The following LRRC4C variants were observed in gnomAD, a reference collection of about 807,000 sequenced individuals.
The protein encoded by LRRC4C is leucine rich repeat containing 4C, also known as leucine-rich repeat-containing protein 4C.
A neutral mutation model predicts 33.6 loss-of-function variants in LRRC4C; 5 were observed. That is an observed-to-expected ratio of 0.15 (90% CI 0.08 to 0.31). LRRC4C has a LOEUF of 0.31. LRRC4C is among the 10% of genes least tolerant of loss of function. The pLI is 1.00. For synonymous variants in LRRC4C, 329 were observed against 302.0 expected, an observed-to-expected ratio of 1.09 and a Z score of -0.93; for missense variants, 560 against 796.7, an observed-to-expected ratio of 0.70 and a Z score of 3.58.
At chr11:40,515,250 G>C (rs1955516087) in intron 3 of LRRC4C, among the ~76,000 whole-genome samples, 1 of 151,886 alleles carries the variant, frequency 6.6e-6, no homozygotes, top group Non-Finnish European at 1.5e-5. Context: ...GAGAAACTTA[G>C]CAATACTAAG....
At chr11:41,051,475 A>G (rs1399029497) in intron 1 of LRRC4C, among the ~76,000 whole-genome samples, 2 of 147,662 alleles carry the variant, frequency 1.4e-5, no homozygotes, top group Non-Finnish European at 3.0e-5. Context: ...AATTTATCTT[A>G]TTAAAAGACA....
intron 1 of LRRC4C, among the ~76,000 whole-genome samples, chr11:41,163,298 T>TTTTTTTTTTTTC (rs1456325870): frequency 1.5e-5 from 2 of 133,030 alleles, no homozygotes; most frequent in Non-Finnish European, 3.2e-5. Flanking sequence ...TTTTTTTTTT[T>TTTTTTTTTTTTC]TTTCAAACAG....
At chr11:41,149,333 C>A (rs1019608882) in intron 1 of LRRC4C, among the ~76,000 whole-genome samples, 5 of 151,736 alleles carry the variant, frequency 3.3e-5, no homozygotes, top group Non-Finnish European at 7.4e-5. Flanking sequence ...CGGTGAAACC[C>A]CGTCTCTACT....
intron 3 of LRRC4C, among the ~76,000 whole-genome samples, chr11:40,469,486 AT>A (rs1002011393): frequency 4.1e-4 from 62 of 152,040 alleles, no homozygotes; most frequent in African/African-American, 1.5e-3. Context: ...AGCTGCAGGA[AT>A]TTTTTGTCAT....
chr11:41,175,762 T>G (rs1454090676), intron 1 of LRRC4C, among the ~76,000 whole-genome samples: 1 of 152,032 alleles, frequency 6.6e-6, no homozygotes, highest in Non-Finnish European at 1.5e-5. Flanking sequence ...GTCCCAGAGC[T>G]CCCTCTGCAG....
intron 1 of LRRC4C, among the ~76,000 whole-genome samples, chr11:41,330,497 G>A (rs182454524): frequency 4.5e-4 from 68 of 152,120 alleles, no homozygotes; most frequent in Non-Finnish European, 6.8e-4. Context: ...ATTAGATGCC[G>A]TCAACATGTG....
chr11:40,655,691 C>A (rs1448717290), intron 2 of LRRC4C, among the ~76,000 whole-genome samples: 4 of 152,126 alleles, frequency 2.6e-5, no homozygotes, highest in African/African-American at 7.2e-5. Flanking sequence ...AGAATCATTT[C>A]TTATTATTCC....
At chr11:41,318,701 C>A (rs2137250897) in intron 1 of LRRC4C, among the ~76,000 whole-genome samples, 1 of 152,198 alleles carries the variant, frequency 6.6e-6, no homozygotes, top group Middle Eastern at 3.4e-3. Context: ...AAGCTCTTTC[C>A]TAGATATTTC....
At chr11:40,135,514 A>G (rs751811348) in intron 6 of LRRC4C, among the ~76,000 whole-genome samples, 1 of 152,216 alleles carries the variant, frequency 6.6e-6, no homozygotes, top group Non-Finnish European at 1.5e-5. Context: ...ATGGGAAAAA[A>G]TAGAGCTGTA....
chr11:40,875,646 C>T (rs1304287765), intron 2 of LRRC4C, among the ~76,000 whole-genome samples: 2 of 152,078 alleles, frequency 1.3e-5, no homozygotes, highest in African/African-American at 2.4e-5. Flanking sequence ...GATGTTCAAC[C>T]TGTAGCTGTG....
In LRRC4C at chr11:40,132,206, A is replaced by G. The variant is rs555439958; in HGVS notation, c.-43+8595T>C. ...AATTGACATTCTGCTCTATATATCA[A>G]TTTCTTACGTGTTTAGCAAGTACAT... On this transcript the variant is annotated intron_variant, in intron 6 of 6. Coordinates refer to ENST00000528697, the MANE Select transcript of LRRC4C (RefSeq NM_001258419.2). Among the ~76,000 whole-genome samples the G allele has an allele frequency of 3.3e-5, 5 of 152,258 alleles. No homozygotes were observed. The East Asian group carries it at 9.6e-4, about 29-fold the overall frequency.
chr11:40,365,039 T>C (rs1948145314), intron 3 of LRRC4C, among the ~76,000 whole-genome samples: 1 of 148,852 alleles, frequency 6.7e-6, no homozygotes, highest in Non-Finnish European at 1.5e-5. Flanking sequence ...ACTATCATAA[T>C]CACCACAAGA....
intron 2 of LRRC4C, among the ~76,000 whole-genome samples, chr11:40,797,259 T>C (rs1263268405): frequency 2.0e-5 from 3 of 151,782 alleles, no homozygotes; most frequent in Non-Finnish European, 4.4e-5. Flanking sequence ...AAAATAGAAA[T>C]GGAGAGTATG....
intron 2 of LRRC4C, among the ~76,000 whole-genome samples, chr11:40,927,179 G>C (rs1039383458): frequency 6.6e-6 from 1 of 152,044 alleles, no homozygotes; most frequent in South Asian, 2.1e-4. Context: ...TTCGAGACCA[G>C]CCTGGCCAAC....
chr11:40,656,719 A>C (rs1943135214), intron 2 of LRRC4C, among the ~76,000 whole-genome samples: 1 of 152,188 alleles, frequency 6.6e-6, no homozygotes, highest in Non-Finnish European at 1.5e-5. Context: ...GTCCAAGTAT[A>C]TTGTAGGTTT....
chr11:40,933,002 G>A (rs550495103), intron 2 of LRRC4C, among the ~76,000 whole-genome samples: 2 of 152,268 alleles, frequency 1.3e-5, no homozygotes, highest in East Asian at 3.9e-4. Flanking sequence ...CAACTGACAA[G>A]AAAAATATGC....
chr11:40,980,429 A>T lies in LRRC4C; in HGVS notation c.-495-46706T>A, dbSNP rs534215896. On this transcript the variant is annotated intron_variant, in intron 1 of 6. Coordinates refer to ENST00000528697, the MANE Select transcript of LRRC4C (RefSeq NM_001258419.2). ...ACGAATTCAATTTAGAGTAGTTTTG[A>T]AGTCATCCGTATTAATTGGGCATGC... is the stretch of plus-strand genomic sequence containing the variant. 1.6e-4 allele frequency among the ~76,000 whole-genome samples: 25 copies of T among 152,304 alleles called. No homozygotes were observed. The East Asian group carries it at 4.8e-3, about 29-fold the overall frequency.
chr11:40,556,632 C>G (rs1319913077), intron 3 of LRRC4C, among the ~76,000 whole-genome samples: 2 of 152,106 alleles, frequency 1.3e-5, no homozygotes, highest in African/African-American at 2.4e-5. Flanking sequence ...TGTGGATGAT[C>G]TACCAGGCAG....
At chr11:40,679,968 G>A (rs1005218426) in intron 2 of LRRC4C, among the ~76,000 whole-genome samples, 3 of 152,128 alleles carry the variant, frequency 2.0e-5, no homozygotes, top group South Asian at 2.1e-4. Context: ...GACACTCAAC[G>A]CCAGCCCGTG....
Sources: allele counts gnomAD v4.1 joint callset (sites outside exome capture counted in the v4.1 genomes callset), GRCh38; gene constraint gnomAD v4.1.1; transcripts MANE v1.5; gene names NCBI Gene and HGNC (gene_info 2026-07-23, HGNC 2026-07-21).